TSNAXIP1: variants seen among roughly 807,000 people sequenced by gnomAD.
TSNAXIP1 encodes the protein translin associated factor X interacting protein 1.
Under a neutral mutation model 84.8 loss-of-function variants are expected in TSNAXIP1, and 89 were observed. That is an observed-to-expected ratio of 1.05 (90% confidence interval 0.88 to 1.25). TSNAXIP1 has a LOEUF of 1.25. Ranked by LOEUF, TSNAXIP1 falls within the 50% of genes most tolerant of loss-of-function variation. The probability of loss-of-function intolerance (pLI) is 0.00; values close to 1 mark genes in which losing one functional copy is unlikely to be tolerated. For synonymous variants in TSNAXIP1, 347 were observed against 335.2 expected (o/e 1.04, Z -0.39); for missense variants, 874 against 887.6 (o/e 0.98, Z 0.20).
chr16:67,823,640 C>A lies in TSNAXIP1; in HGVS notation c.402C>A (p.Ile134=), dbSNP rs1567764784. The change falls in exon 5 of 16, where the codon ATC becomes ATA. Residue 134 remains isoleucine, a synonymous_variant. Coordinates refer to ENST00000561639, the MANE Select transcript of TSNAXIP1 (RefSeq NM_001288990.3). ...QELRLQPYRE[I]FEFFIEDFKT... ...TTTCTTGCCAGCCTTACAGAGAGAT[C>A]TTTGAGTTCTTCATAGAGGACTTCA... is the stretch of plus-strand genomic sequence containing the variant. 38 of 1,613,694 alleles carry A rather than the reference C, an allele frequency of 2.4e-5. No individual in the cohort carries two copies. The highest frequency in any genetic ancestry group is 3.2e-5 in the Non-Finnish European group (38 of 1,179,828).
intron 7 of TSNAXIP1, 96 bp downstream of exon 7, chr16:67,825,368 C>G: frequency 6.6e-7 from 1 of 1,511,122 alleles, no homozygotes; most frequent in Non-Finnish European, 9.0e-7. Context: ...ATTCCTAAGA[C>G]CTGCTCATTC....
chr16:67,825,937 C>T lies in TSNAXIP1; in HGVS notation c.1005C>T (p.Ser335=), dbSNP rs373306871. 8.1e-6 allele frequency: 13 copies of T among 1,614,008 alleles called. No homozygotes were observed. The highest frequency in any genetic ancestry group is 3.3e-5 in the Admixed American group (2 of 60,000). ...CACAGCTGGACACCCTGAGAGCCAG[C>T]TACGAGGAGGTTCGCAAGGAGCATG... ...LQEQLDTLRA[S]YEEVRKEHEI... The change falls in exon 9 of 16, where the codon AGC becomes AGT. Residue 335 remains serine, a synonymous_variant. Coordinates refer to ENST00000561639, the MANE Select transcript of TSNAXIP1 (RefSeq NM_001288990.3).
At position 67,827,454 on chromosome 16, in the gene TSNAXIP1, G is replaced by T; in HGVS notation, c.1792-19G>T. ...ACCCTACCCAATGTGCCCTCCCCCT[G>T]ACTTGTGGCCCCTCCCAGGATGAGG... On this transcript the variant is annotated intron_variant, in intron 14 of 15. Transcript: ENST00000561639. 2 of 1,614,124 alleles carry T rather than the reference G, an allele frequency of 1.2e-6. No individual in the cohort carries two copies. The highest frequency in any genetic ancestry group is 2.2e-5 in the South Asian group (2 of 91,058).
At position 67,827,261 on chromosome 16, in the gene TSNAXIP1, G is replaced by A. The variant is rs746846360; in HGVS notation, c.1677G>A (p.Lys559=). Residue 559 remains lysine (K), a synonymous_variant, in exon 14 of 16, where the codon AAG becomes AAA. Transcript: ENST00000561639. ...LTMEQFNTVL[K]STFPLKTEEQ... ...GTCTCCCCTACAGCACTGTCCTCAA[G>A]AGTACCTTCCCTCTCAAGACAGAAG... 6.2e-7 allele frequency: 1 copy of A among 1,614,214 alleles called. No homozygotes were observed. Among genetic ancestry groups the A allele is most frequent in the Non-Finnish European group, 8.5e-7 (1 of 1,180,044 alleles).
Position 67,824,644 on chromosome 16 carries a change from TGAG to T in TSNAXIP1, c.546_548del (p.Glu182del). Reference sequence around the variant, plus strand: ...TGAAGGCCAAGCTTGTCACTGTGAATGAGGACTGCAATGAGAGGATCCTGGCCA... The same window carrying T: ...TGAAGGCCAAGCTTGTCACTGTGAATGACTGCAATGAGAGGATCCTGGCCA... On this transcript the variant is annotated inframe_deletion, in exon 6 of 16. Transcript: ENST00000561639. The T allele has an allele frequency of 6.2e-7, 1 of 1,614,100 alleles. No individual in the cohort carries two copies. The highest frequency in any genetic ancestry group is 1.3e-5 in the African/African-American group (1 of 75,028).
At chr16:67,824,361 G>A (rs537663108) in intron 5 of TSNAXIP1, among the ~76,000 whole-genome samples, 4 of 152,180 alleles carry the variant, frequency 2.6e-5, no homozygotes. Context: ...TAAGGCTGTA[G>A]GGGAAAGGAC....
intron 1 of TSNAXIP1, chr16:67,807,726 T>C (rs1022004850): frequency 1.9e-5 from 4 of 214,968 alleles, no homozygotes; most frequent in African/African-American, 9.4e-5. Flanking sequence ...CAAGCGACCC[T>C]CCCACTTCGA....
chr16:67,810,921 A>G (rs987390571), intron 1 of TSNAXIP1, among the ~76,000 whole-genome samples: 18 of 151,380 alleles, frequency 1.2e-4, no homozygotes, highest in African/African-American at 4.4e-4. Context: ...TTGTATTTTT[A>G]GTAGACAGGG....
Position 67,807,212 on chromosome 16 carries a change from G to A in TSNAXIP1, c.47+16G>A. 3 of 1,536,022 alleles carry A rather than the reference G, an allele frequency of 2.0e-6. No individual in the cohort carries two copies. The highest frequency in any genetic ancestry group is 2.6e-6 in the Non-Finnish European group (3 of 1,146,896). The stretch of plus-strand genomic sequence containing the variant: ...CCGCGTCGAGGTAGGCGCTGGCAGG[G>A]ATGAGGGCAGAGATGAGGGTTTGAG... On this transcript the variant is annotated intron_variant, in intron 1 of 15. Coordinates refer to ENST00000561639, the MANE Select transcript of TSNAXIP1 (RefSeq NM_001288990.3).
chr16:67,811,435 TC>T (rs1233340797), intron 1 of TSNAXIP1, among the ~76,000 whole-genome samples: 1 of 144,406 alleles, frequency 6.9e-6, no homozygotes, highest in Non-Finnish European at 1.5e-5. Context: ...AATTGATTAG[TC>T]TTTTTTTTTT....
At chr16:67,827,108 C>T (rs776199614) in intron 13 of TSNAXIP1, 36 bp downstream of exon 13, 1 of 1,609,610 alleles carries the variant, frequency 6.2e-7, no homozygotes, top group East Asian at 2.2e-5. Context: ...CAACTCCTAC[C>T]CAACTATTCC....
chr16:67,824,607 C>G lies in TSNAXIP1; in HGVS notation c.506C>G (p.Ala169Gly). ...MLAHQREKIRALEPLKAKLVT... is the reference protein window; with the variant it reads ...MLAHQREKIRGLEPLKAKLVT... ...GCCCACCAAAGGGAGAAGATTCGGG[C>G]TCTGGAGCCCCTGAAGGCCAAGCTT... The change falls in exon 6 of 16, where the codon GCT (alanine) becomes GGT (glycine). Residue 169 changes from alanine (A) to glycine (G), a missense_variant. Transcript: ENST00000561639. The G allele has an allele frequency of 6.2e-7, 1 of 1,614,048 alleles. No individual in the cohort carries two copies. Among genetic ancestry groups the G allele is most frequent in the African/African-American group, 1.3e-5 (1 of 75,036 alleles).
At chr16:67,824,444 G>A in intron 5 of TSNAXIP1, 139 bp from the exon 6 acceptor site, 1 of 781,544 alleles carries the variant, frequency 1.3e-6, no homozygotes, top group Non-Finnish European at 2.1e-6. Flanking sequence ...CCTGAAACAG[G>A]GACCATGGCT....
At chr16:67,811,436 CTTTTTTT>C (rs1190285857) in intron 1 of TSNAXIP1, among the ~76,000 whole-genome samples, 3 of 101,980 alleles carry the variant, frequency 2.9e-5, no homozygotes, top group Non-Finnish European at 5.6e-5. Flanking sequence ...ATTGATTAGT[CTTTTTTT>C]TTTTTTTTTT....
intron 6 of TSNAXIP1, 87 bp from the exon 7 acceptor site, chr16:67,825,050 C>T: frequency 6.5e-7 from 1 of 1,548,662 alleles, no homozygotes; most frequent in Non-Finnish European, 8.7e-7. Flanking sequence ...GATGGGGCCC[C>T]CCAGAACCCA....
In TSNAXIP1 at chr16:67,827,494, C is replaced by T. The variant is rs146474803; in HGVS notation, c.1813C>T (p.Pro605Ser). The T allele has an allele frequency of 7.2e-4, 1,156 of 1,614,176 alleles. 8 individuals are homozygous for T. The highest frequency in any genetic ancestry group is 3.8e-3 in the South Asian group (347 of 91,076). Residue 605 changes from proline to serine, a missense_variant, in exon 15 of 16, where the codon CCC becomes TCC. Pro to Ser is a moderately conservative substitution (Grantham distance 74). Coordinates refer to ENST00000561639, the MANE Select transcript of TSNAXIP1 (RefSeq NM_001288990.3). ...FMEDEEGQSE[P>S]FVQKLWEQYM... The stretch of plus-strand genomic sequence containing the variant: ...CCAGGATGAGGAGGGCCAGAGTGAG[C>T]CCTTTGTGCAAAAACTCTGGGAACA...
Position 67,823,726 on chromosome 16 carries a change from A to G in TSNAXIP1, c.481+7A>G. 6.2e-7 allele frequency: 1 copy of G among 1,610,994 alleles called. No homozygotes were observed. Among genetic ancestry groups the G allele is most frequent in the Non-Finnish European group, 8.5e-7 (1 of 1,178,028 alleles). ...GCGTATGAGGGGATGCTGGGTAAGAATGCACCTCCTGCCAGGCGTAGTGGC... is the reference window on the plus strand; with the variant it reads ...GCGTATGAGGGGATGCTGGGTAAGAGTGCACCTCCTGCCAGGCGTAGTGGC... On this transcript the variant is annotated splice_region_variant and intron_variant, in intron 5 of 15. Transcript: ENST00000561639.
At position 67,824,660 on chromosome 16, in the gene TSNAXIP1, A is replaced by G. The variant is rs2057307932; in HGVS notation, c.559A>G (p.Arg187Gly). Residue 187 changes from arginine (R) to glycine (G), a missense_variant, in exon 6 of 16, where the codon AGG becomes GGG. Transcript: ENST00000561639. ...LVTVNEDCNE[R>G]ILAMRAEEKY... ...CACTGTGAATGAGGACTGCAATGAG[A>G]GGATCCTGGCCATGAGAGCTGAGGA... The G allele has an allele frequency of 6.2e-7, 1 of 1,614,066 alleles. No individual in the cohort carries two copies. Among genetic ancestry groups the G allele is most frequent in the Non-Finnish European group, 8.5e-7 (1 of 1,180,036 alleles).
At chr16:67,817,259 C>T (rs2056644588) in intron 2 of TSNAXIP1, among the ~76,000 whole-genome samples, 1 of 151,624 alleles carries the variant, frequency 6.6e-6, no homozygotes, top group South Asian at 2.1e-4. Context: ...ACGCCATTCT[C>T]CTGCCACAGT....
Sources: allele counts gnomAD v4.1 joint callset (sites outside exome capture counted in the v4.1 genomes callset), GRCh38; gene constraint gnomAD v4.1.1; transcripts MANE v1.5; gene names NCBI Gene and HGNC (gene_info 2026-07-23, HGNC 2026-07-21).